ADAMTS12: variants seen among roughly 807,000 people sequenced by gnomAD.
ADAMTS12 encodes ADAM metallopeptidase with thrombospondin type 1 motif 12, also known as A disintegrin and metalloproteinase with thrombospondin motifs 12.
Under a neutral mutation model 167.8 loss-of-function variants are expected in ADAMTS12, and 118 were observed. The observed-to-expected ratio is 0.70, with a 90% CI of 0.61 to 0.82. ADAMTS12 has a LOEUF of 0.82. ADAMTS12 is among the 40% of genes least tolerant of loss of function. The pLI, the probability that ADAMTS12 is intolerant of heterozygous loss-of-function variation, is 0.00. For missense variants in ADAMTS12, 1,916 were observed against 1,998.8 expected (o/e 0.96, Z 0.79); for synonymous variants, 704 against 716.9 (o/e 0.98, Z 0.29).
At chr5:33,826,329 A>G (rs1748068275) in intron 2 of ADAMTS12, among the ~76,000 whole-genome samples, 1 of 152,056 alleles carries the variant, frequency 6.6e-6, no homozygotes, top group Non-Finnish European at 1.5e-5. Flanking sequence ...AGGGCAAATG[A>G]TTAGCTGCCC....
At chr5:33,696,345 C>T (rs1244456995) in intron 3 of ADAMTS12, among the ~76,000 whole-genome samples, 3 of 148,158 alleles carry the variant, frequency 2.0e-5, no homozygotes, top group African/African-American at 5.0e-5. Context: ...GGCGGGAACC[C>T]GGGAGGCAGA....
intron 3 of ADAMTS12, among the ~76,000 whole-genome samples, chr5:33,700,965 C>T (rs915776761): frequency 6.6e-6 from 1 of 152,122 alleles, no homozygotes; most frequent in African/African-American, 2.4e-5. Context: ...CAGTGGTGAA[C>T]TACAACTCTG....
chr5:33,815,274 GC>G (rs999794583), intron 2 of ADAMTS12, among the ~76,000 whole-genome samples: 1 of 152,192 alleles, frequency 6.6e-6, no homozygotes, highest in African/African-American at 2.4e-5. Flanking sequence ...ATAGATTGAA[GC>G]CCCAATCCCA....
chr5:33,644,245 T>G (rs1005309918), intron 9 of ADAMTS12, among the ~76,000 whole-genome samples: 1 of 152,248 alleles, frequency 6.6e-6, no homozygotes, highest in Non-Finnish European at 1.5e-5. Flanking sequence ...AACCCGTAAT[T>G]GTTGTTGATG....
intron 3 of ADAMTS12, among the ~76,000 whole-genome samples, chr5:33,735,603 C>T (rs533361929): frequency 2.6e-5 from 4 of 152,304 alleles, no homozygotes; most frequent in African/African-American, 9.6e-5. Context: ...CATCTAGACA[C>T]TAGACCAATT....
chr5:33,628,158 T>G (rs1739748518), intron 13 of ADAMTS12, among the ~76,000 whole-genome samples: 1 of 152,048 alleles, frequency 6.6e-6, no homozygotes, highest in Admixed American at 6.6e-5. Context: ...AACGTTATGC[T>G]GACTGTGTGA....
intron 16 of ADAMTS12, among the ~76,000 whole-genome samples, chr5:33,604,507 T>TAA (rs111633754): frequency 3.1e-4 from 44 of 140,854 alleles, no homozygotes; most frequent in East Asian, 6.1e-4. Context: ...ATCTCAAAAT[T>TAA]AAAAAAAAAG....
At chr5:33,672,951 A>G (rs1741769548) in intron 5 of ADAMTS12, among the ~76,000 whole-genome samples, 1 of 152,228 alleles carries the variant, frequency 6.6e-6, no homozygotes, top group African/African-American at 2.4e-5. Context: ...GTTTGCAGCT[A>G]TGAGTTTAGG....
chr5:33,671,803 C>A (rs1220419108), intron 5 of ADAMTS12, among the ~76,000 whole-genome samples: 1 of 150,128 alleles, frequency 6.7e-6, no homozygotes, highest in East Asian at 2.0e-4. Flanking sequence ...TCTACCCACA[C>A]ACATCCATAT....
intron 2 of ADAMTS12, among the ~76,000 whole-genome samples, chr5:33,792,757 A>G (rs995115681): frequency 6.6e-5 from 10 of 152,258 alleles, no homozygotes; most frequent in Non-Finnish European, 8.8e-5. Context: ...CCTCTTCTCT[A>G]TACTTGCAGT....
chr5:33,862,384 T>C (rs1462404847), intron 2 of ADAMTS12, among the ~76,000 whole-genome samples: 2 of 148,456 alleles, frequency 1.3e-5, no homozygotes, highest in Non-Finnish European at 1.5e-5. Context: ...CCCACAGAAA[T>C]ACAAACTACC....
intron 7 of ADAMTS12, among the ~76,000 whole-genome samples, chr5:33,655,627 T>TAA (rs1741028260): frequency 2.5e-5 from 3 of 120,588 alleles, no homozygotes; most frequent in South Asian, 3.2e-4. Context: ...TTAGTTTTAT[T>TAA]TATTTAATTT....
At chr5:33,537,783 C>T (rs183841633) in intron 22 of ADAMTS12, among the ~76,000 whole-genome samples, 8 of 152,282 alleles carry the variant, frequency 5.3e-5, no homozygotes, top group East Asian at 1.9e-4. Flanking sequence ...ATGGCTGTGC[C>T]GGTGCAACTA....
intron 3 of ADAMTS12, among the ~76,000 whole-genome samples, chr5:33,689,573 C>G (rs969454913): frequency 6.6e-6 from 1 of 152,082 alleles, no homozygotes; most frequent in Non-Finnish European, 1.5e-5. Context: ...AGACAATATC[C>G]TGCTTCTTTA....
chr5:33,577,601 C>G (rs569004046), intron 18 of ADAMTS12, among the ~76,000 whole-genome samples: 1 of 152,292 alleles, frequency 6.6e-6, no homozygotes, highest in South Asian at 2.1e-4. Flanking sequence ...GAACCTTTCC[C>G]TTTCTATTTA....
intron 6 of ADAMTS12, among the ~76,000 whole-genome samples, chr5:33,660,249 T>G (rs1038574121): frequency 2.0e-5 from 3 of 152,174 alleles, no homozygotes; most frequent in African/African-American, 7.2e-5. Context: ...GTATTCATAT[T>G]GGGTAATAGC....
In ADAMTS12 at chr5:33,643,450, CCA is replaced by C. The variant is rs1228937766; in HGVS notation, c.1498_1499del (p.Trp500ValfsTer10). On this transcript the variant is annotated frameshift_variant, in exon 10 of 24. Coordinates refer to ENST00000504830, the MANE Select transcript of ADAMTS12 (RefSeq NM_030955.4). LOFTEE classifies it high-confidence loss of function. ...QEVENVCQTL[W>X]CSVKGFCRSK... ...AGCGACAAAAGCCCTTCACGGAGCA[CCA>C]CAGTGTCTGGCAGACGTTCTAGAAA... is the stretch of plus-strand genomic sequence containing the variant. 1.2e-6 allele frequency: 2 copies of C among 1,614,090 alleles called. No individual in the cohort carries two copies. The highest frequency in any genetic ancestry group is 1.7e-6 in the Non-Finnish European group (2 of 1,179,960).
intron 17 of ADAMTS12, among the ~76,000 whole-genome samples, chr5:33,590,526 C>T (rs1055163615): frequency 6.6e-6 from 1 of 152,194 alleles, no homozygotes; most frequent in Non-Finnish European, 1.5e-5. Context: ...TCCTCTGTTG[C>T]CCTTCCTCCT....
In ADAMTS12 at chr5:33,765,033, T is replaced by C. The variant is rs1579916860; in HGVS notation, c.490-13485A>G. On this transcript the variant is annotated intron_variant, in intron 2 of 23. Transcript: ENST00000504830. ...AGGCAGGAAGTCCTGGGTGTTAAATTACAGGGGAAAGGTTGATTTAAAGTA... is the reference window on the plus strand; with the variant it reads ...AGGCAGGAAGTCCTGGGTGTTAAATCACAGGGGAAAGGTTGATTTAAAGTA... 4.6e-5 allele frequency among the ~76,000 whole-genome samples: 7 copies of C among 152,346 alleles called. 1 individual carries two copies. In the South Asian group the frequency reaches 1.5e-3, roughly 32 times the overall value.
Sources: gnomAD v4.1 joint callset for allele counts (sites outside exome capture counted in the v4.1 genomes callset) on GRCh38, gnomAD v4.1.1 for gene constraint, MANE v1.5 for transcripts, NCBI Gene and HGNC (gene_info 2026-07-23, HGNC 2026-07-21) for gene names.